STK31: variants seen among roughly 807,000 people sequenced by gnomAD.
The protein encoded by STK31 is serine/threonine-protein kinase 31.
In STK31, 89 loss-of-function variants were observed where a neutral mutation model predicts 129.7. The ratio of observed to expected loss-of-function variants is 0.69; its 90% CI spans 0.58 to 0.82. The LOEUF is 0.82. STK31 is among the 40% of genes least tolerant of loss of function. The pLI, the probability that STK31 is intolerant of heterozygous loss-of-function variation, is 0.00. For missense variants in STK31, 1,187 were observed against 1,176.4 expected, an observed-to-expected ratio of 1.01 and a Z score of -0.13; for synonymous variants, 448 against 395.3, an observed-to-expected ratio of 1.13 and a Z score of -1.58.
rs577000110 is a variant in STK31, at chr7:23,747,868, G to A, written c.1018-4849G>A. 7.2e-5 allele frequency among the ~76,000 whole-genome samples: 11 copies of A among 151,862 alleles called. No homozygotes were observed. In the South Asian group the frequency reaches 2.3e-3, roughly 32 times the overall value. Reference sequence around the variant, plus strand: ...TCCTCTGTCTTTTTTTCCTTTATTAGCCTGGTTATAGTGTTACCAATTTTA... The same window carrying A: ...TCCTCTGTCTTTTTTTCCTTTATTAACCTGGTTATAGTGTTACCAATTTTA... On this transcript the variant is annotated intron_variant, in intron 8 of 23. Transcript: ENST00000355870.
intron 10 of STK31, among the ~76,000 whole-genome samples, chr7:23,758,479 T>G (rs1789251705): frequency 6.6e-6 from 1 of 152,074 alleles, no homozygotes; most frequent in Non-Finnish European, 1.5e-5. Context: ...CTCCTTCAAT[T>G]CTTCTCTGAT....
chr7:23,782,731 A>G (rs1382265482), intron 16 of STK31, among the ~76,000 whole-genome samples: 1 of 152,144 alleles, frequency 6.6e-6, no homozygotes, highest in Non-Finnish European at 1.5e-5. Context: ...ATGTAGAGCT[A>G]TGTGTTTTTT....
intron 23 of STK31, among the ~76,000 whole-genome samples, chr7:23,823,624 G>A (rs1793926410): frequency 6.6e-6 from 1 of 152,056 alleles, no homozygotes; most frequent in South Asian, 2.1e-4. Context: ...TGTCAATTTT[G>A]ACTTTTGTTG....
At chr7:23,813,078 C>CTTTTTTTTTTT (rs70956924) in intron 22 of STK31, among the ~76,000 whole-genome samples, 124 of 94,082 alleles carry the variant, frequency 1.3e-3, no homozygotes, top group Middle Eastern at 0.016. Context: ...GCTCTCTGTT[C>CTTTTTTTTTTT]TTTTTTTTTT....
intron 8 of STK31, among the ~76,000 whole-genome samples, chr7:23,749,582 G>T (rs1788571787): frequency 6.6e-6 from 1 of 151,158 alleles, no homozygotes; most frequent in South Asian, 2.1e-4. Context: ...TGAACTCCTG[G>T]GCTCAAGCAG....
chr7:23,752,819 CT>C lies in STK31; in HGVS notation c.1121del (p.Leu374ArgfsTer4). On this transcript the variant is annotated frameshift_variant, in exon 9 of 24. Transcript: ENST00000355870. LOFTEE classifies it high-confidence loss of function. ...MKNLAAKMEI[L>X]KEMRHVDISV... ...AAATCTGGCAGCTAAGATGGAAATACTGAAAGAAATGAGGTAGGTAAAAGCA... is the reference window on the plus strand; with the variant it reads ...AAATCTGGCAGCTAAGATGGAAATACGAAAGAAATGAGGTAGGTAAAAGCA... 6.2e-7 allele frequency: 1 copy of C among 1,604,416 alleles called. No individual in the cohort carries two copies. The highest frequency in any genetic ancestry group is 8.5e-7 in the Non-Finnish European group (1 of 1,172,238).
At chr7:23,730,969 C>T (rs896355162) in intron 6 of STK31, among the ~76,000 whole-genome samples, 20 of 146,394 alleles carry the variant, frequency 1.4e-4, no homozygotes, top group Non-Finnish European at 3.0e-4. Flanking sequence ...ACTGCAACCT[C>T]CGCCTCTTGG....
chr7:23,728,072 C>CTTTTTTTTTT (rs56355518), intron 5 of STK31, among the ~76,000 whole-genome samples: 7 of 68,268 alleles, frequency 1.0e-4, no homozygotes, highest in Non-Finnish European at 1.3e-4. Context: ...TTGTGTTAAG[C>CTTTTTTTTTT]TTTTTTTTTT....
chr7:23,762,358 G>A (rs1789528178), intron 10 of STK31, among the ~76,000 whole-genome samples: 1 of 151,368 alleles, frequency 6.6e-6, no homozygotes, highest in African/African-American at 2.4e-5. Context: ...TAAAGAAAAT[G>A]CATAGAGTTC....
chr7:23,820,398 A>G (rs1370378997), intron 23 of STK31, among the ~76,000 whole-genome samples: 1 of 152,178 alleles, frequency 6.6e-6, no homozygotes, highest in Non-Finnish European at 1.5e-5. Flanking sequence ...TACTTATTTC[A>G]TATTGATACA....
chr7:23,736,856 C>A, intron 7 of STK31, 48 bp from the exon 8 acceptor site: 1 of 1,406,120 alleles, frequency 7.1e-7, no homozygotes, highest in South Asian at 1.9e-5. Flanking sequence ...TTTTCTGTGT[C>A]AGCCTTATAC....
At chr7:23,810,831 T>C (rs1317516953) in intron 22 of STK31, among the ~76,000 whole-genome samples, 7 of 141,168 alleles carry the variant, frequency 5.0e-5, no homozygotes, top group African/African-American at 1.8e-4. Flanking sequence ...TATGTATAAA[T>C]ATATATTTGT....
At chr7:23,737,920 G>A (rs547919887) in intron 8 of STK31, among the ~76,000 whole-genome samples, 2 of 151,548 alleles carry the variant, frequency 1.3e-5, no homozygotes, top group African/African-American at 4.9e-5. Context: ...CAAATCTGTT[G>A]TTCCTGCACT....
At chr7:23,745,118 G>A (rs1202601642) in intron 8 of STK31, among the ~76,000 whole-genome samples, 2 of 152,226 alleles carry the variant, frequency 1.3e-5, no homozygotes, top group African/African-American at 2.4e-5. Flanking sequence ...CCCACAGGTA[G>A]CATGTGCAAG....
chr7:23,762,299 G>A (rs967558498), intron 10 of STK31, among the ~76,000 whole-genome samples: 3 of 142,230 alleles, frequency 2.1e-5, no homozygotes, highest in African/African-American at 7.9e-5. Context: ...TTGGGTACAG[G>A]ATGGATATAT....
chr7:23,830,821 T>C (rs983745312), intron 23 of STK31, among the ~76,000 whole-genome samples: 3 of 152,136 alleles, frequency 2.0e-5, no homozygotes, highest in Admixed American at 1.3e-4. Context: ...GGTTTCACCA[T>C]GTCAGCCAGG....
chr7:23,714,544 A>G (rs1786180889), intron 3 of STK31, among the ~76,000 whole-genome samples: 1 of 152,212 alleles, frequency 6.6e-6, no homozygotes, highest in Non-Finnish European at 1.5e-5. Flanking sequence ...AATATATCCA[A>G]AATATTGTTT....
chr7:23,809,153 T>G (rs1792925523), intron 22 of STK31, among the ~76,000 whole-genome samples: 1 of 149,736 alleles, frequency 6.7e-6, no homozygotes, highest in South Asian at 2.2e-4. Context: ...ATAGCTAGAG[T>G]TGTTTGTTTT....
At chr7:23,723,475 A>G (rs1786851966) in intron 4 of STK31, among the ~76,000 whole-genome samples, 1 of 152,190 alleles carries the variant, frequency 6.6e-6, no homozygotes, top group African/African-American at 2.4e-5. Flanking sequence ...TGTGTTTAAT[A>G]TTGTTATAAA....
Sources: allele counts gnomAD v4.1 joint callset (sites outside exome capture counted in the v4.1 genomes callset), GRCh38; gene constraint gnomAD v4.1.1; transcripts MANE v1.5; gene names NCBI Gene and HGNC (gene_info 2026-07-23, HGNC 2026-07-21).